NSRP1: variants seen among roughly 807,000 people sequenced by gnomAD.
NSRP1 encodes the protein nuclear speckle splicing regulatory protein 1, also known as coiled-coil domain containing 55.
In NSRP1, 24 loss-of-function variants were observed where a neutral mutation model predicts 54.7. That is an observed-to-expected ratio of 0.44 (90% CI 0.32 to 0.62). NSRP1 has a LOEUF of 0.62. Ranked by LOEUF, NSRP1 falls within the 20% of genes least tolerant of loss-of-function variation. The pLI, the probability that NSRP1 is intolerant of heterozygous loss-of-function variation, is 0.06. For missense variants in NSRP1, 596 were observed against 651.2 expected, an observed-to-expected ratio of 0.92 and a Z score of 0.92; for synonymous variants, 210 against 213.8, an observed-to-expected ratio of 0.98 and a Z score of 0.15.
intron 2 of NSRP1, among the ~76,000 whole-genome samples, chr17:30,118,852 G>A (rs2071570412): frequency 6.6e-6 from 1 of 151,380 alleles, no homozygotes; most frequent in Non-Finnish European, 1.5e-5. Flanking sequence ...GGGTTCAAGC[G>A]ATTCTCTTGC....
chr17:30,134,792 G>A (rs901961701), intron 2 of NSRP1, among the ~76,000 whole-genome samples: 1 of 152,132 alleles, frequency 6.6e-6, no homozygotes, highest in African/African-American at 2.4e-5. Flanking sequence ...ATAGAAAAAG[G>A]GTTAGTAGGG....
Position 30,178,110 on chromosome 17 carries a change from A to T in NSRP1, c.211A>T (p.Thr71Ser). Reference protein sequence around the residue: ...EIQKALAEDATVYEYDSIYDE... With the variant: ...EIQKALAEDASVYEYDSIYDE... Reference sequence around the variant, plus strand: ...CCAGAAGGCCCTTGCAGAAGATGCTACTGTGTATGAATATGACAGTATTTA... The same window carrying T: ...CCAGAAGGCCCTTGCAGAAGATGCTTCTGTGTATGAATATGACAGTATTTA... The change falls in exon 4 of 7, where the codon ACT becomes TCT. Residue 71 changes from threonine (T) to serine (S), a missense_variant. By Grantham distance (58) the Thr-to-Ser change is moderately conservative. Transcript: ENST00000247026. 1.2e-6 allele frequency: 2 copies of T among 1,612,462 alleles called. No homozygotes were observed. Among genetic ancestry groups the T allele is most frequent in the Non-Finnish European group, 1.7e-6 (2 of 1,179,508 alleles).
chr17:30,149,353 G>C (rs530773835), intron 2 of NSRP1, among the ~76,000 whole-genome samples: 3 of 152,144 alleles, frequency 2.0e-5, no homozygotes, highest in African/African-American at 7.2e-5. Context: ...CCTGGCTGCT[G>C]TTTTTATTCT....
chr17:30,151,601 T>G (rs1567797771), intron 2 of NSRP1, among the ~76,000 whole-genome samples: 1 of 152,110 alleles, frequency 6.6e-6, no homozygotes, highest in African/African-American at 2.4e-5. Context: ...GAGGGATTGG[T>G]CTTACTGTTT....
At chr17:30,160,962 A>G (rs556701114) in intron 2 of NSRP1, among the ~76,000 whole-genome samples, 1 of 152,338 alleles carries the variant, frequency 6.6e-6, no homozygotes, top group East Asian at 1.9e-4. Flanking sequence ...TCATTGCGTA[A>G]CCAGGAATAA....
chr17:30,132,905 G>C (rs2071714407), intron 2 of NSRP1, among the ~76,000 whole-genome samples: 1 of 152,180 alleles, frequency 6.6e-6, no homozygotes, highest in Non-Finnish European at 1.5e-5. Context: ...TCTGTCAGAG[G>C]AATCACTGTC....
intron 4 of NSRP1, among the ~76,000 whole-genome samples, chr17:30,178,881 G>A (rs980638706): frequency 6.6e-6 from 1 of 151,688 alleles, no homozygotes; most frequent in Non-Finnish European, 1.5e-5. Context: ...AAGTTAAATC[G>A]CATTATAAAC....
chr17:30,163,468 C>T (rs1227004910), intron 2 of NSRP1, among the ~76,000 whole-genome samples: 1 of 151,874 alleles, frequency 6.6e-6, no homozygotes, highest in East Asian at 1.9e-4. Context: ...ATTTTCTCTT[C>T]GATTTATCTG....
chr17:30,134,460 A>G (rs2071730739), intron 2 of NSRP1, among the ~76,000 whole-genome samples: 1 of 152,244 alleles, frequency 6.6e-6, no homozygotes. Flanking sequence ...GAAGCACAAT[A>G]AAACAAGGAA....
rs189247296 is a variant in NSRP1, at chr17:30,134,602, G to C, written c.114+16429G>C. Among the ~76,000 whole-genome samples, 18 of 152,200 alleles carry C rather than the reference G, an allele frequency of 1.2e-4. No individual in the cohort carries two copies. In the East Asian group the frequency reaches 3.3e-3, roughly 28 times the overall value. The stretch of plus-strand genomic sequence containing the variant: ...GAGATTTTACAGCTAAGGAAACTAG[G>C]GTGTCAAGAAGTTAACTGGTCAATA... On this transcript the variant is annotated intron_variant, in intron 2 of 6. Transcript: ENST00000247026.
At chr17:30,153,037 C>G (rs930563414) in intron 2 of NSRP1, among the ~76,000 whole-genome samples, 1 of 151,406 alleles carries the variant, frequency 6.6e-6, no homozygotes, top group Non-Finnish European at 1.5e-5. Context: ...CCTCACCTCT[C>G]CTCAGTAGCT....
intron 2 of NSRP1, among the ~76,000 whole-genome samples, chr17:30,135,049 T>C (rs140816257): frequency 2.5e-3 from 383 of 152,290 alleles, no homozygotes; most frequent in African/African-American, 6.5e-3. Flanking sequence ...TCAATGGGTA[T>C]GCTGCTACTT....
At chr17:30,124,325 T>A (rs1395688065) in intron 2 of NSRP1, among the ~76,000 whole-genome samples, 1 of 152,202 alleles carries the variant, frequency 6.6e-6, no homozygotes, top group African/African-American at 2.4e-5. Context: ...GAAGGATGGG[T>A]TTACACAAGT....
At chr17:30,171,972 A>ACACC (rs1169988659) in intron 2 of NSRP1, among the ~76,000 whole-genome samples, 1 of 46,586 alleles carries the variant, frequency 2.1e-5, no homozygotes, top group Non-Finnish European at 5.3e-5. Flanking sequence ...ACACACACAC[A>ACACC]CTCCCTCTCT....
intron 2 of NSRP1, among the ~76,000 whole-genome samples, chr17:30,131,817 A>G (rs1005918676): frequency 2.0e-5 from 3 of 152,214 alleles, no homozygotes; most frequent in Admixed American, 6.5e-5. Flanking sequence ...ATTTACCCAC[A>G]GTAGAACTTT....
chr17:30,184,598 T>G lies in NSRP1; in HGVS notation c.618-17T>G. 6.6e-7 allele frequency: 1 copy of G among 1,526,464 alleles called. No individual in the cohort carries two copies. Among genetic ancestry groups the G allele is most frequent in the Non-Finnish European group, 8.8e-7 (1 of 1,139,902 alleles). 94.6% of individuals were successfully genotyped at this position (1,526,464 alleles called of 1,614,324 possible). On this transcript the variant is annotated splice_polypyrimidine_tract_variant and intron_variant, in intron 6 of 6. Transcript: ENST00000247026. ...TGTGGCATTTTTTTCTGCCCTTTTT[T>G]GTTTTTTGTTTCTAAGATCTGGTAT...
At chr17:30,138,910 T>TG in intron 2 of NSRP1, among the ~76,000 whole-genome samples, 1 of 59,776 alleles carries the variant, frequency 1.7e-5, no homozygotes, top group African/African-American at 6.7e-5. Flanking sequence ...AGTCTTAGCG[T>TG]TTTTTTTTTT....
Position 30,145,101 on chromosome 17 carries a change from C to T in NSRP1, c.114+26928C>T, listed in dbSNP as rs540024621. 4.6e-4 allele frequency among the ~76,000 whole-genome samples: 70 copies of T among 152,256 alleles called. No homozygotes were observed. The South Asian group carries it at 0.013, about 28-fold the overall frequency. On this transcript the variant is annotated intron_variant, in intron 2 of 6. Transcript: ENST00000247026. ...TAATTGTTTTTAACTACAGCATATA[C>T]GTCTACTGTATTTTATCTATCCCAT...
intron 3 of NSRP1, among the ~76,000 whole-genome samples, chr17:30,177,718 T>C (rs1320887850): frequency 6.6e-6 from 1 of 152,192 alleles, no homozygotes; most frequent in Admixed American, 6.5e-5. Context: ...TAAATGATAA[T>C]AATAGTTGAT....
Sources: allele counts gnomAD v4.1 joint callset (sites outside exome capture counted in the v4.1 genomes callset), GRCh38; gene constraint gnomAD v4.1.1; transcripts MANE v1.5; gene names NCBI Gene and HGNC (gene_info 2026-07-23, HGNC 2026-07-21).